GAS2: variants seen among roughly 807,000 people sequenced by gnomAD.
GAS2 encodes the protein growth arrest-specific protein 2.
GAS2 carries 20 observed loss-of-function variants against 37.5 expected under a neutral mutation model. The ratio of observed to expected loss-of-function variants is 0.53; its 90% confidence interval spans 0.37 to 0.77. GAS2 has a LOEUF of 0.77. GAS2 is among the 30% of genes least tolerant of loss of function. The pLI is 0.00. For missense variants in GAS2, 336 were observed against 373.4 expected (o/e 0.90, Z 0.82); for synonymous variants, 144 against 132.2 (o/e 1.09, Z -0.61).
Position 22,712,788 on chromosome 11 carries a change from A to G in GAS2, c.268-13504A>G, listed in dbSNP as rs564833975. On this transcript the variant is annotated intron_variant, in intron 3 of 7. Transcript: ENST00000454584. ...AGAAGGATGAAAACTAACTTAAATA[A>G]ATTAAAGGCCGGGGGCAGTGGCTCA... Among the ~76,000 whole-genome samples, 2 of 152,216 alleles carry G rather than the reference A, an allele frequency of 1.3e-5. 1 individual carries two copies. Among genetic ancestry groups the G allele is most frequent in the Admixed American group, 1.3e-4 (2 of 15,290 alleles).
At chr11:22,739,845 G>A (rs1352050105) in intron 5 of GAS2, among the ~76,000 whole-genome samples, 1 of 151,970 alleles carries the variant, frequency 6.6e-6, no homozygotes, top group Non-Finnish European at 1.5e-5. Flanking sequence ...GCTTCTGAAA[G>A]TTGTGATACA....
At chr11:22,779,097 A>G (rs1855418098) in intron 7 of GAS2, among the ~76,000 whole-genome samples, 2 of 150,030 alleles carry the variant, frequency 1.3e-5, no homozygotes, top group Non-Finnish European at 3.0e-5. Context: ...AAAATAAAGG[A>G]AAAAAAATAG....
intron 3 of GAS2, 31 bp downstream of exon 3, chr11:22,685,820 A>G: frequency 6.3e-7 from 1 of 1,589,392 alleles, no homozygotes; most frequent in South Asian, 1.2e-5. Flanking sequence ...AATCACTCTT[A>G]GGTGGTAGAT....
intron 1 of GAS2, among the ~76,000 whole-genome samples, chr11:22,660,459 T>C (rs189050580): frequency 1.3e-5 from 2 of 152,364 alleles, no homozygotes; most frequent in Admixed American, 6.5e-5. Flanking sequence ...CTATTTTACA[T>C]GTATTAACTT....
At chr11:22,746,761 C>G (rs889025134) in intron 5 of GAS2, among the ~76,000 whole-genome samples, 1 of 152,120 alleles carries the variant, frequency 6.6e-6, no homozygotes, top group African/African-American at 2.4e-5. Flanking sequence ...ATGATCACTA[C>G]CTGGGTAATG....
At chr11:22,797,229 G>T (rs1296075597) in intron 7 of GAS2, among the ~76,000 whole-genome samples, 3 of 152,010 alleles carry the variant, frequency 2.0e-5, no homozygotes, top group African/African-American at 7.2e-5. Flanking sequence ...AGATGCAAAT[G>T]GAACTTTTCA....
At chr11:22,634,264 G>A (rs1010507139) in intron 1 of GAS2, among the ~76,000 whole-genome samples, 1 of 152,070 alleles carries the variant, frequency 6.6e-6, no homozygotes, top group Non-Finnish European at 1.5e-5. Context: ...ACATAATGGG[G>A]GAAACTGCTC....
Position 22,666,721 on chromosome 11 carries a change from A to G in GAS2, c.-199A>G, listed in dbSNP as rs541953707. On this transcript the variant is annotated 5_prime_UTR_variant, in exon 1 of 8. Transcript: ENST00000454584. Reference sequence around the variant, plus strand: ...CAGCACTAAAAGGAGCCATCAGAGAAGTATGAAGAGGGGTAGTGCGGCTGT... The same window carrying G: ...CAGCACTAAAAGGAGCCATCAGAGAGGTATGAAGAGGGGTAGTGCGGCTGT... The G allele has an allele frequency of 3.0e-3, 457 of 152,502 alleles. 3 individuals are homozygous for G. The highest frequency in any genetic ancestry group is 4.7e-3 in the Non-Finnish European group (323 of 68,164). 9.4% of individuals were successfully genotyped at this position (152,502 alleles called of 1,614,324 possible).
chr11:22,797,256 T>TG (rs1360748988), intron 7 of GAS2, among the ~76,000 whole-genome samples: 1 of 152,114 alleles, frequency 6.6e-6, no homozygotes, highest in Non-Finnish European at 1.5e-5. Flanking sequence ...CATCATCATA[T>TG]GTCACTTGCT....
intron 7 of GAS2, among the ~76,000 whole-genome samples, chr11:22,758,886 C>G (rs1289232736): frequency 1.0e-5 from 1 of 100,476 alleles, no homozygotes; most frequent in East Asian, 3.2e-4. Flanking sequence ...GCACTCCAGC[C>G]TGGACAACAA....
intron 1 of GAS2, among the ~76,000 whole-genome samples, chr11:22,669,132 G>T (rs1447579883): frequency 2.0e-5 from 3 of 152,024 alleles, no homozygotes; most frequent in African/African-American, 7.2e-5. Flanking sequence ...GAACCCTGCT[G>T]GTTCTTAACT....
At chr11:22,773,336 A>C (rs1480219050) in intron 7 of GAS2, among the ~76,000 whole-genome samples, 3 of 148,924 alleles carry the variant, frequency 2.0e-5, no homozygotes, top group Non-Finnish European at 4.4e-5. Context: ...CAAGGATGGG[A>C]CTTATGCTCC....
intron 7 of GAS2, among the ~76,000 whole-genome samples, chr11:22,770,887 C>T (rs900514119): frequency 1.3e-5 from 2 of 152,118 alleles, no homozygotes; most frequent in African/African-American, 2.4e-5. Context: ...TCATTGAAGA[C>T]GGAGAGCATT....
intron 1 of GAS2, among the ~76,000 whole-genome samples, chr11:22,655,655 C>T (rs1179092300): frequency 6.6e-6 from 1 of 152,128 alleles, no homozygotes; most frequent in Non-Finnish European, 1.5e-5. Context: ...ATAGTTCCTA[C>T]ACATAATTTG....
intron 7 of GAS2, among the ~76,000 whole-genome samples, chr11:22,756,846 G>A (rs577264545): frequency 3.3e-4 from 50 of 152,222 alleles, no homozygotes; most frequent in African/African-American, 1.1e-3. Context: ...ACAGATCTGC[G>A]TAGATGGCCT....
intron 4 of GAS2, among the ~76,000 whole-genome samples, chr11:22,727,811 A>T (rs1261961806): frequency 6.6e-6 from 1 of 152,064 alleles, no homozygotes; most frequent in Non-Finnish European, 1.5e-5. Context: ...TAATTTACAG[A>T]TCAATTTTAA....
chr11:22,812,074 T>C lies in GAS2; in HGVS notation c.*58T>C, dbSNP rs1303067605. Reference sequence around the variant, plus strand: ...ATGGCCTGTATCCACTTCTCCAGTATAGTCAGTTTAGTTCATATGTTCTGA... The same window carrying C: ...ATGGCCTGTATCCACTTCTCCAGTACAGTCAGTTTAGTTCATATGTTCTGA... On this transcript the variant is annotated 3_prime_UTR_variant, in exon 8 of 8. Coordinates refer to ENST00000454584, the MANE Select transcript of GAS2 (RefSeq NM_001143830.3). The C allele has an allele frequency of 1.6e-6, 2 of 1,214,862 alleles. No homozygotes were observed. Among genetic ancestry groups the C allele is most frequent in the South Asian group, 1.2e-5 (1 of 81,122 alleles). 75.3% of individuals were successfully genotyped at this position (1,214,862 alleles called of 1,614,324 possible).
At position 22,674,850 on chromosome 11, in the gene GAS2, G is replaced by T; in HGVS notation, c.-20G>T. ...AATTGCTCTTTTGTTTCCAAAACAG[G>T]TATTACAAGTGGATAAATAATGTGC... On this transcript the variant is annotated splice_region_variant and 5_prime_UTR_variant, in exon 2 of 8. Coordinates refer to ENST00000454584, the MANE Select transcript of GAS2 (RefSeq NM_001143830.3). The T allele has an allele frequency of 6.4e-7, 1 of 1,563,570 alleles. No homozygotes were observed. Among genetic ancestry groups the T allele is most frequent in the Non-Finnish European group, 8.7e-7 (1 of 1,155,942 alleles).
intron 2 of GAS2, among the ~76,000 whole-genome samples, chr11:22,679,063 G>T (rs1284368922): frequency 6.6e-6 from 1 of 151,936 alleles, no homozygotes; most frequent in Non-Finnish European, 1.5e-5. Flanking sequence ...TCTCTAGGGG[G>T]TAGCACACAC....
Sources: gnomAD v4.1 joint callset for allele counts (sites outside exome capture counted in the v4.1 genomes callset) on GRCh38, gnomAD v4.1.1 for gene constraint, MANE v1.5 for transcripts, NCBI Gene and HGNC (gene_info 2026-07-23, HGNC 2026-07-21) for gene names.